Variants in ZDHHC14 observed in about 807,000 individuals in gnomAD.
ZDHHC14 encodes the protein zDHHC palmitoyltransferase 14.
Under a neutral mutation model 47.7 loss-of-function variants are expected in ZDHHC14, and 16 were observed. The observed-to-expected ratio is 0.34, with a 90% CI of 0.23 to 0.51. The LOEUF is 0.51. Ranked by LOEUF, ZDHHC14 falls within the 20% of genes least tolerant of loss-of-function variation. The probability of loss-of-function intolerance (pLI) is 0.97; values close to 1 mark genes in which losing one functional copy is unlikely to be tolerated. For missense variants in ZDHHC14, 515 were observed against 662.5 expected (o/e 0.78, Z 2.44); for synonymous variants, 293 against 278.9 (o/e 1.05, Z -0.50).
intron 2 of ZDHHC14, among the ~76,000 whole-genome samples, chr6:157,572,790 G>T (rs151131133): frequency 6.6e-6 from 1 of 151,814 alleles, no homozygotes; most frequent in Admixed American, 6.6e-5. Flanking sequence ...AATGCATAAA[G>T]AACCTAGCAC....
intron 1 of ZDHHC14, among the ~76,000 whole-genome samples, chr6:157,505,136 C>T (rs898678191): frequency 2.6e-5 from 4 of 152,116 alleles, no homozygotes; most frequent in African/African-American, 7.2e-5. Flanking sequence ...AACTCAAAAG[C>T]AAGCATATTC....
At chr6:157,457,903 T>A (rs2114810292) in intron 1 of ZDHHC14, among the ~76,000 whole-genome samples, 1 of 152,298 alleles carries the variant, frequency 6.6e-6, no homozygotes, top group African/African-American at 2.4e-5. Context: ...CTGGGTTGTG[T>A]CTGCCCCAGG....
intron 1 of ZDHHC14, among the ~76,000 whole-genome samples, chr6:157,424,348 G>T (rs1222061009): frequency 1.3e-5 from 2 of 152,190 alleles, no homozygotes; most frequent in African/African-American, 4.8e-5. Flanking sequence ...AAGGCAGTAT[G>T]GAGATGTCAA....
At chr6:157,519,963 C>G (rs1780856986) in intron 1 of ZDHHC14, among the ~76,000 whole-genome samples, 1 of 152,182 alleles carries the variant, frequency 6.6e-6, no homozygotes, top group Non-Finnish European at 1.5e-5. Flanking sequence ...AATAAGCTGA[C>G]ATTTGCGAGC....
At position 157,449,077 on chromosome 6, in the gene ZDHHC14, C is replaced by T. The variant is rs961708185; in HGVS notation, c.245+66811C>T. Among the ~76,000 whole-genome samples the T allele has an allele frequency of 2.0e-4, 31 of 152,196 alleles. 1 individual carries two copies. The highest frequency in any genetic ancestry group is 1.7e-3 in the Admixed American group (26 of 15,288). ...TGCAGGCCTCTTCACATGTGGCTTG[C>T]CCACCTCAGGCACCCAGGACCATAC... On this transcript the variant is annotated intron_variant, in intron 1 of 8. Coordinates refer to ENST00000359775, the MANE Select transcript of ZDHHC14 (RefSeq NM_024630.3).
At chr6:157,600,930 C>T (rs986725938) in intron 3 of ZDHHC14, among the ~76,000 whole-genome samples, 5 of 152,314 alleles carry the variant, frequency 3.3e-5, no homozygotes, top group Middle Eastern at 3.4e-3. Context: ...CAGTGTAATT[C>T]CAAGAGCCCT....
chr6:157,610,259 C>T (rs886184145), intron 3 of ZDHHC14, among the ~76,000 whole-genome samples: 10 of 152,046 alleles, frequency 6.6e-5, no homozygotes, highest in African/African-American at 2.2e-4. Flanking sequence ...GGTGAAACCT[C>T]GTCTCTACTA....
intron 1 of ZDHHC14, among the ~76,000 whole-genome samples, chr6:157,496,879 T>G (rs1005369427): frequency 6.6e-6 from 1 of 152,248 alleles, no homozygotes; most frequent in African/African-American, 2.4e-5. Context: ...GACACAGGTC[T>G]TGGCAGTCAT....
chr6:157,621,497 G>A (rs1433371208), intron 3 of ZDHHC14, among the ~76,000 whole-genome samples: 1 of 152,048 alleles, frequency 6.6e-6, no homozygotes, highest in East Asian at 1.9e-4. Flanking sequence ...TGCTCTTGGG[G>A]AACGAGGCTG....
chr6:157,442,486 G>A (rs1306297824), intron 1 of ZDHHC14, among the ~76,000 whole-genome samples: 1 of 152,214 alleles, frequency 6.6e-6, no homozygotes, highest in Non-Finnish European at 1.5e-5. Flanking sequence ...GATGAGTCAT[G>A]GAATGCAAGA....
intron 1 of ZDHHC14, among the ~76,000 whole-genome samples, chr6:157,394,148 C>A (rs1777476248): frequency 1.3e-5 from 2 of 152,218 alleles, no homozygotes; most frequent in Non-Finnish European, 2.9e-5. Flanking sequence ...AACATTCTCA[C>A]TTCCACCCTT....
chr6:157,441,077 T>A (rs979921519), intron 1 of ZDHHC14, among the ~76,000 whole-genome samples: 2 of 152,250 alleles, frequency 1.3e-5, no homozygotes, highest in African/African-American at 4.8e-5. Flanking sequence ...TTTCCTTTTC[T>A]GTCTCTTTTT....
At chr6:157,483,789 C>A (rs2114718558) in intron 1 of ZDHHC14, among the ~76,000 whole-genome samples, 1 of 152,242 alleles carries the variant, frequency 6.6e-6, no homozygotes, top group South Asian at 2.1e-4. Flanking sequence ...GGAAGCCAGA[C>A]TTCTCTGTTT....
Position 157,527,748 on chromosome 6 carries a change from C to G in ZDHHC14, c.246-14837C>G, listed in dbSNP as rs552730773. Among the ~76,000 whole-genome samples the G allele has an allele frequency of 5.9e-5, 9 of 152,290 alleles. No individual in the cohort carries two copies. The East Asian group carries it at 1.7e-3, about 29-fold the overall frequency. ...GTTTTCTTGGCAGCCATGTAACGGT[C>G]TCTCAGGAAGTTGTTTCTGGAAATG... On this transcript the variant is annotated intron_variant, in intron 1 of 8. Transcript: ENST00000359775.
intron 5 of ZDHHC14, among the ~76,000 whole-genome samples, chr6:157,635,335 C>A (rs1286044252): frequency 6.6e-6 from 1 of 152,172 alleles, no homozygotes; most frequent in East Asian, 1.9e-4. Context: ...CCTCCCAAGT[C>A]ATGCATCTTA....
chr6:157,619,914 G>T (rs559691834), intron 3 of ZDHHC14, among the ~76,000 whole-genome samples: 10 of 152,196 alleles, frequency 6.6e-5, no homozygotes, highest in Non-Finnish European at 1.2e-4. Context: ...CCATGTGGAA[G>T]TGCTATAATA....
At position 157,582,061 on chromosome 6, in the gene ZDHHC14, A is replaced by G. The variant is rs1033771983; in HGVS notation, c.407-10927A>G. On this transcript the variant is annotated intron_variant, in intron 2 of 8. Coordinates refer to ENST00000359775, the MANE Select transcript of ZDHHC14 (RefSeq NM_024630.3). This position sits in a 1 kb window ranked among gnomAD's most constrained non-coding sequence, Gnocchi z 4.3. ...CAGGCACACGCCACCATGCCTGGCT[A>G]ATTTTTTGTATTTTTAGTAGATTTG... Among the ~76,000 whole-genome samples, 2 of 151,936 alleles carry G rather than the reference A, an allele frequency of 1.3e-5. No individual in the cohort carries two copies. The highest frequency in any genetic ancestry group is 2.9e-5 in the Non-Finnish European group (2 of 67,994).
At chr6:157,467,698 T>C (rs551156408) in intron 1 of ZDHHC14, among the ~76,000 whole-genome samples, 2 of 152,120 alleles carry the variant, frequency 1.3e-5, no homozygotes, top group South Asian at 4.2e-4. Context: ...TACAGGCGCC[T>C]GCCAACACGT....
chr6:157,484,844 C>T (rs749538169), intron 1 of ZDHHC14, among the ~76,000 whole-genome samples: 7 of 152,094 alleles, frequency 4.6e-5, no homozygotes, highest in Non-Finnish European at 8.8e-5. Context: ...ATTACAATTC[C>T]GGATAGTGAA....
Sources: allele counts gnomAD v4.1 joint callset (sites outside exome capture counted in the v4.1 genomes callset), GRCh38; gene constraint gnomAD v4.1.1; non-coding constraint Gnocchi (gnomAD v3.1); transcripts MANE v1.5; gene names NCBI Gene and HGNC (gene_info 2026-07-23, HGNC 2026-07-21).